Variants in ZNRF3 observed in about 807,000 individuals in gnomAD.
The protein encoded by ZNRF3 is E3 ubiquitin-protein ligase ZNRF3.
Under a neutral mutation model 72.5 loss-of-function variants are expected in ZNRF3, and 23 were observed. The ratio of observed to expected loss-of-function variants is 0.32; its 90% CI spans 0.23 to 0.45. ZNRF3 has a LOEUF of 0.45. Among genes scored for constraint, ZNRF3 ranks in the 20% least tolerant of loss-of-function variants. The probability of loss-of-function intolerance (pLI) is 1.00; values close to 1 mark genes in which losing one functional copy is unlikely to be tolerated. For synonymous variants in ZNRF3, 610 were observed against 545.3 expected (o/e 1.12, Z -1.65); for missense variants, 1,169 against 1,272.1 (o/e 0.92, Z 1.23).
At chr22:28,931,299 C>T (rs1601571992) in intron 1 of ZNRF3, among the ~76,000 whole-genome samples, 1 of 152,084 alleles carries the variant, frequency 6.6e-6, no homozygotes, top group Admixed American at 6.6e-5. Flanking sequence ...TTGAAGGACC[C>T]TTTTTTGTGG....
chr22:28,893,610 A>G (rs1895770691), intron 1 of ZNRF3, among the ~76,000 whole-genome samples: 1 of 145,562 alleles, frequency 6.9e-6, no homozygotes, highest in Non-Finnish European at 1.5e-5. Context: ...CCATCCTCCC[A>G]CCTCAGTCTC....
intron 6 of ZNRF3, among the ~76,000 whole-genome samples, chr22:29,047,879 C>T (rs1253657613): frequency 1.3e-5 from 2 of 152,164 alleles, no homozygotes; most frequent in Non-Finnish European, 2.9e-5. Flanking sequence ...GGTTCAGGAT[C>T]CAGTAAAGGA....
At chr22:28,934,835 A>T (rs1045393047) in intron 1 of ZNRF3, among the ~76,000 whole-genome samples, 1 of 151,912 alleles carries the variant, frequency 6.6e-6, no homozygotes. Flanking sequence ...AAAAAAAAAA[A>T]AAAGTATATT....
At chr22:28,953,236 G>A (rs569133037) in intron 1 of ZNRF3, among the ~76,000 whole-genome samples, 4 of 152,272 alleles carry the variant, frequency 2.6e-5, no homozygotes, top group African/African-American at 9.6e-5. Flanking sequence ...GCATTAATAT[G>A]GAATTACTTT....
intron 8 of ZNRF3, among the ~76,000 whole-genome samples, chr22:29,051,889 A>G (rs991099013): frequency 7.3e-5 from 11 of 151,506 alleles, no homozygotes; most frequent in Non-Finnish European, 4.4e-5. Context: ...TCAAAAAAAA[A>G]AAAAAAAAAA....
intron 2 of ZNRF3, among the ~76,000 whole-genome samples, chr22:29,019,564 C>G (rs1376717442): frequency 6.6e-6 from 1 of 152,142 alleles, no homozygotes; most frequent in African/African-American, 2.4e-5. Flanking sequence ...ATTGATAATA[C>G]CCAGTTCAAA....
intron 1 of ZNRF3, among the ~76,000 whole-genome samples, chr22:28,922,447 T>G (rs1418408134): frequency 6.6e-6 from 1 of 152,250 alleles, no homozygotes; most frequent in African/African-American, 2.4e-5. Context: ...TTCTTATAAC[T>G]TTTTCTCTAA....
chr22:28,901,321 A>G (rs2034099451), intron 1 of ZNRF3, among the ~76,000 whole-genome samples: 1 of 152,108 alleles, frequency 6.6e-6, no homozygotes, highest in Admixed American at 6.5e-5. Context: ...CATAAGGCCA[A>G]CGCCCAGAAG....
chr22:29,011,050 T>C (rs1248093939), intron 2 of ZNRF3, among the ~76,000 whole-genome samples: 2 of 152,264 alleles, frequency 1.3e-5, no homozygotes, highest in African/African-American at 4.8e-5. Context: ...TCTCTTTTTT[T>C]GTGCTTGCTC....
intron 1 of ZNRF3, among the ~76,000 whole-genome samples, chr22:28,945,130 A>G (rs1353840694): frequency 6.6e-6 from 1 of 150,678 alleles, no homozygotes; most frequent in Non-Finnish European, 1.5e-5. Context: ...CCAGCTAGCA[A>G]CAGAATGAGA....
Position 28,884,017 on chromosome 22 carries a change from G to C in ZNRF3, c.251G>C (p.Arg84Pro). The change falls in exon 1 of 9, where the codon CGC becomes CCC. Residue 84 changes from arginine (R) to proline (P), a missense_variant. Arg to Pro is a moderately radical substitution (Grantham distance 103). Around this residue, in one of 2 missense-constraint regions of ZNRF3, gnomAD observed 386 missense variants for 540.7 expected, o/e 0.71. Transcript: ENST00000544604. Reference sequence around the variant, plus strand: ...ACCTACACCACCGGCCTCACGGGCCGCTTCTCGCGGGCCGGGGCCACGCTC... The same window carrying C: ...ACCTACACCACCGGCCTCACGGGCCCCTTCTCGCGGGCCGGGGCCACGCTC... ...YTTYTTGLTGRFSRAGATLSA... is the reference protein window; with the variant it reads ...YTTYTTGLTGPFSRAGATLSA... The C allele has an allele frequency of 7.6e-7, 1 of 1,313,832 alleles. No homozygotes were observed. 81.4% of individuals were successfully genotyped at this position (1,313,832 alleles called of 1,614,324 possible). A position where few individuals can be genotyped will look rare whatever the true frequency, so the allele number is the denominator to read the frequency against.
At chr22:28,925,990 C>T (rs374220731) in intron 1 of ZNRF3, among the ~76,000 whole-genome samples, 4 of 152,318 alleles carry the variant, frequency 2.6e-5, no homozygotes, top group South Asian at 4.1e-4. Flanking sequence ...GGGAATAGCC[C>T]TAGAGATCTT....
chr22:29,008,771 G>A (rs922492999), intron 2 of ZNRF3, among the ~76,000 whole-genome samples: 46 of 152,182 alleles, frequency 3.0e-4, no homozygotes, highest in African/African-American at 1.0e-3. Flanking sequence ...TAACCAGAAG[G>A]ACTAAGGAAG....
At chr22:28,894,945 C>G (rs931534621) in intron 1 of ZNRF3, among the ~76,000 whole-genome samples, 25 of 152,288 alleles carry the variant, frequency 1.6e-4, no homozygotes, top group Non-Finnish European at 3.7e-4. Flanking sequence ...GGAGTGGCAG[C>G]TGCCCCCCTT....
intron 2 of ZNRF3, among the ~76,000 whole-genome samples, chr22:28,990,110 C>T (rs993918612): frequency 1.9e-4 from 29 of 152,232 alleles, no homozygotes; most frequent in Admixed American, 3.3e-4. Flanking sequence ...AGGGGAGCAG[C>T]AGGCCAGGGC....
chr22:28,922,736 C>T (rs132549), intron 1 of ZNRF3, among the ~76,000 whole-genome samples: 58,706 of 152,096 alleles, frequency 0.39, 14,087 homozygotes, highest in Non-Finnish European at 0.54. Context: ...AGTCCTGGCC[C>T]ATGTCCGTTT....
chr22:28,954,782 T>C (rs955644174), intron 1 of ZNRF3, among the ~76,000 whole-genome samples: 9 of 151,798 alleles, frequency 5.9e-5, no homozygotes, highest in African/African-American at 2.2e-4. Context: ...GCCCAACTAA[T>C]TTTTGTATGT....
intron 2 of ZNRF3, among the ~76,000 whole-genome samples, chr22:28,990,187 G>A (rs550756244): frequency 1.3e-3 from 205 of 152,302 alleles, no homozygotes; most frequent in African/African-American, 4.7e-3. Flanking sequence ...CCTCTCTCCT[G>A]TACTTAATGT....
At chr22:28,967,540 C>A (rs2035491821) in intron 1 of ZNRF3, among the ~76,000 whole-genome samples, 1 of 152,222 alleles carries the variant, frequency 6.6e-6, no homozygotes, top group East Asian at 1.9e-4. Context: ...CTTCACAGAT[C>A]ATCTGTCTTC....
Sources: gnomAD v4.1 joint callset for allele counts (sites outside exome capture counted in the v4.1 genomes callset) on GRCh38, gnomAD v4.1.1 for gene constraint, gnomAD v4.1.1 regional missense constraint, MANE v1.5 for transcripts, NCBI Gene and HGNC (gene_info 2026-07-23, HGNC 2026-07-21) for gene names.